The following ABCA13 variants were observed in gnomAD, a reference collection of about 807,000 sequenced individuals.
ABCA13 encodes ATP-binding cassette sub-family A member 13.
ABCA13 carries 476 observed loss-of-function variants against 478.7 expected under a neutral mutation model. That is an observed-to-expected ratio of 0.99 (90% CI 0.92 to 1.07). The LOEUF (loss-of-function observed/expected upper bound fraction) is 1.07. ABCA13 is among the 50% of genes least tolerant of loss of function. The pLI is 0.00. For missense variants in ABCA13, 6,060 were observed against 5,910.6 expected (o/e 1.03, Z -0.83); for synonymous variants, 2,252 against 2,158.9 (o/e 1.04, Z -1.20).
chr7:48,334,915 T>C (rs1206133529), intron 27 of ABCA13, among the ~76,000 whole-genome samples: 2 of 152,222 alleles, frequency 1.3e-5, no homozygotes, highest in Non-Finnish European at 2.9e-5. Flanking sequence ...CTTGAGAGAG[T>C]AAAGCATGTG....
intron 57 of ABCA13, among the ~76,000 whole-genome samples, chr7:48,592,541 T>A (rs1016240229): frequency 6.6e-6 from 1 of 151,948 alleles, no homozygotes; most frequent in African/African-American, 2.4e-5. Context: ...GAGAAGAATG[T>A]GTATTCTGCT....
At chr7:48,477,442 T>C (rs1360451067) in intron 45 of ABCA13, among the ~76,000 whole-genome samples, 3 of 151,968 alleles carry the variant, frequency 2.0e-5, no homozygotes. Flanking sequence ...CATGCACACG[T>C]ATGTTTATTG....
intron 10 of ABCA13, 52 bp from the exon 11 acceptor site, chr7:48,244,524 G>A: frequency 6.4e-7 from 1 of 1,569,686 alleles, no homozygotes; most frequent in South Asian, 1.1e-5. Context: ...TTCCCTAATT[G>A]GCACTTCGAA....
intron 35 of ABCA13, among the ~76,000 whole-genome samples, chr7:48,380,457 A>G (rs186346906): frequency 5.1e-4 from 78 of 152,326 alleles, no homozygotes; most frequent in African/African-American, 1.8e-3. Flanking sequence ...ATAATCTTCC[A>G]CTAGTTTACA....
At chr7:48,193,698 GATA>G (rs1344810548) in intron 2 of ABCA13, among the ~76,000 whole-genome samples, 3 of 145,484 alleles carry the variant, frequency 2.1e-5, no homozygotes, top group Non-Finnish European at 3.0e-5. Flanking sequence ...TGATGATGGT[GATA>G]ATAATAGAGA....
At chr7:48,234,194 G>A in intron 8 of ABCA13, 43 bp downstream of exon 8, 1 of 1,613,174 alleles carries the variant, frequency 6.2e-7, no homozygotes, top group Non-Finnish European at 8.5e-7. Context: ...GGCCTTTCCT[G>A]GAGACTGGAT....
At chr7:48,455,433 C>T (rs1825556656) in intron 43 of ABCA13, 147 bp downstream of exon 43, 14 of 1,246,650 alleles carry the variant, frequency 1.1e-5, no homozygotes, top group Non-Finnish European at 1.4e-5. Context: ...CGAGGAGATC[C>T]TTGGAGAAGC....
Position 48,367,913 on chromosome 7 carries a change from A to T in ABCA13, c.10803+5A>T. 1.3e-6 allele frequency: 2 copies of T among 1,557,318 alleles called. No individual in the cohort carries two copies. The highest frequency in any genetic ancestry group is 1.7e-6 in the Non-Finnish European group (2 of 1,148,724). ...CAGGAGATACAGATAGAAGAGGTAA[A>T]TATCCTTAAACCTTGCCTGGGAGAC... is the stretch of plus-strand genomic sequence containing the variant. On this transcript the variant is annotated splice_donor_5th_base_variant and intron_variant, in intron 32 of 61. Transcript: ENST00000435803.
chr7:48,241,290 G>A (rs939213451), intron 10 of ABCA13, among the ~76,000 whole-genome samples: 4 of 152,176 alleles, frequency 2.6e-5, no homozygotes, highest in African/African-American at 9.7e-5. Flanking sequence ...GACCGAATAC[G>A]GGAGCAATGT....
intron 48 of ABCA13, among the ~76,000 whole-genome samples, chr7:48,498,449 G>A (rs1266363883): frequency 6.6e-6 from 1 of 152,078 alleles, no homozygotes; most frequent in Non-Finnish European, 1.5e-5. Context: ...TAGTCTCAGG[G>A]CACCATCATC....
At chr7:48,276,872 G>T (rs1231025899) in intron 17 of ABCA13, among the ~76,000 whole-genome samples, 3 of 152,120 alleles carry the variant, frequency 2.0e-5, no homozygotes, top group Non-Finnish European at 4.4e-5. Context: ...TTTCATAGCT[G>T]TACATGCATA....
intron 35 of ABCA13, among the ~76,000 whole-genome samples, chr7:48,378,945 C>A (rs1473111352): frequency 1.3e-5 from 2 of 152,198 alleles, no homozygotes; most frequent in Non-Finnish European, 2.9e-5. Flanking sequence ...GGCAGACACT[C>A]ATTTCAACAT....
chr7:48,210,989 T>C (rs1785566878), intron 3 of ABCA13, among the ~76,000 whole-genome samples: 1 of 152,228 alleles, frequency 6.6e-6, no homozygotes, highest in East Asian at 1.9e-4. Flanking sequence ...TTTAGCTCTG[T>C]TAATATTTGC....
intron 50 of ABCA13, among the ~76,000 whole-genome samples, chr7:48,510,093 A>C (rs1217701486): frequency 6.6e-6 from 1 of 152,278 alleles, no homozygotes; most frequent in African/African-American, 2.4e-5. Flanking sequence ...TGCATAAAGC[A>C]GAGAAGATTG....
At chr7:48,184,181 A>G (rs951667743) in intron 1 of ABCA13, among the ~76,000 whole-genome samples, 4 of 152,174 alleles carry the variant, frequency 2.6e-5, no homozygotes, top group Non-Finnish European at 4.4e-5. Flanking sequence ...TTTAATTTGC[A>G]TCTGCTTGAG....
chr7:48,251,157 T>C lies in ABCA13; in HGVS notation c.2005+1806T>C, dbSNP rs184158585. 1.9e-3 allele frequency among the ~76,000 whole-genome samples: 282 copies of C among 152,272 alleles called. 2 individuals are homozygous for C. Among genetic ancestry groups the C allele is most frequent in the African/African-American group, 6.4e-3 (266 of 41,558 alleles). ...ATTGGGTTGATGGTAACTTCTCCAA[T>C]GAGTTGGCCATGTTCTTCTGGGTTG... On this transcript the variant is annotated intron_variant, in intron 15 of 61. Coordinates refer to ENST00000435803, the MANE Select transcript of ABCA13 (RefSeq NM_152701.5).
Position 48,410,517 on chromosome 7 carries a change from C to G in ABCA13, c.12071-3C>G. The G allele has an allele frequency of 6.2e-7, 1 of 1,614,006 alleles. No individual in the cohort carries two copies. Among genetic ancestry groups the G allele is most frequent in the Non-Finnish European group, 8.5e-7 (1 of 1,179,882 alleles). ...TGCTGATGCACCCTGTGCTTGGACC[C>G]AGGTCGTACGATCATCTTCACAACC... is the stretch of plus-strand genomic sequence containing the variant. On this transcript the variant is annotated splice_region_variant and splice_polypyrimidine_tract_variant and intron_variant, in intron 39 of 61. Coordinates refer to ENST00000435803, the MANE Select transcript of ABCA13 (RefSeq NM_152701.5).
intron 55 of ABCA13, among the ~76,000 whole-genome samples, chr7:48,570,576 G>A: frequency 6.6e-6 from 1 of 151,768 alleles, no homozygotes; most frequent in East Asian, 1.9e-4. Context: ...ACCCGCCTCG[G>A]CCTCCCAAAG....
intron 47 of ABCA13, among the ~76,000 whole-genome samples, chr7:48,483,837 T>A (rs1232282190): frequency 6.6e-6 from 1 of 152,210 alleles, no homozygotes; most frequent in Non-Finnish European, 1.5e-5. Flanking sequence ...TCAGTCTCCA[T>A]GACTGGAGAA....
Sources: allele counts gnomAD v4.1 joint callset (sites outside exome capture counted in the v4.1 genomes callset), GRCh38; gene constraint gnomAD v4.1.1; transcripts MANE v1.5; gene names NCBI Gene and HGNC (gene_info 2026-07-23, HGNC 2026-07-21).